The following CDK6 variants were observed in gnomAD, a reference collection of about 807,000 sequenced individuals.
CDK6 encodes the protein cyclin dependent kinase 6.
CDK6 carries 6 observed loss-of-function variants against 37.1 expected under a neutral mutation model. The ratio of observed to expected loss-of-function variants is 0.16; its 90% CI spans 0.09 to 0.32. CDK6 has a LOEUF of 0.32. Among genes scored for constraint, CDK6 ranks in the 10% least tolerant of loss-of-function variants. The pLI, the probability that CDK6 is intolerant of heterozygous loss-of-function variation, is 1.00. For missense variants in CDK6, 224 were observed against 418.9 expected, an observed-to-expected ratio of 0.53 and a Z score of 4.06; for synonymous variants, 160 against 161.3, an observed-to-expected ratio of 0.99 and a Z score of 0.06.
At chr7:92,700,339 GGCAGGGATCTCA>G (rs1436108710) in intron 4 of CDK6, among the ~76,000 whole-genome samples, 1 of 152,212 alleles carries the variant, frequency 6.6e-6, no homozygotes, top group Non-Finnish European at 1.5e-5. Context: ...TGATCCTGAA[GGCAGGGATCTCA>G]ATGAAAAGGC....
intron 3 of CDK6, among the ~76,000 whole-genome samples, chr7:92,727,668 G>C (rs1383671716): frequency 1.3e-5 from 2 of 152,094 alleles, no homozygotes; most frequent in East Asian, 1.9e-4. Context: ...GCACTTAGAG[G>C]GGGTATGCAG....
intron 5 of CDK6, among the ~76,000 whole-genome samples, chr7:92,640,869 A>G (rs1314219498): frequency 1.3e-5 from 2 of 152,226 alleles, no homozygotes; most frequent in Non-Finnish European, 2.9e-5. Context: ...AACTTTACTT[A>G]CACCAATGTG....
Position 92,614,723 on chromosome 7 carries a change from A to T in CDK6, c.*417T>A. The stretch of plus-strand genomic sequence containing the variant: ...CACACACACACACACACACACACAC[A>T]CACACATGCACACACACACTCAAAA... On this transcript the variant is annotated 3_prime_UTR_variant, in exon 8 of 8. Coordinates refer to ENST00000424848, the MANE Select transcript of CDK6 (RefSeq NM_001145306.2). 3.7e-6 allele frequency: 1 copy of T among 268,450 alleles called. No homozygotes were observed. Among genetic ancestry groups the T allele is most frequent in the Middle Eastern group, 1.1e-3 (1 of 910 alleles). The allele number at this position is 268,450 out of a possible 1,614,324, so 16.6% of individuals were successfully genotyped here. A position where few individuals can be genotyped will look rare whatever the true frequency, so the allele number is the denominator to read the frequency against.
intron 5 of CDK6, among the ~76,000 whole-genome samples, chr7:92,636,464 T>C (rs1705419852): frequency 6.6e-6 from 1 of 152,136 alleles, no homozygotes; most frequent in African/African-American, 2.4e-5. Flanking sequence ...TATGATTATA[T>C]ATAAGATCCA....
chr7:92,805,030 C>T (rs574923213), intron 2 of CDK6, among the ~76,000 whole-genome samples: 1 of 152,316 alleles, frequency 6.6e-6, no homozygotes, highest in South Asian at 2.1e-4. Flanking sequence ...AACCTATTAA[C>T]TCTGAAAGCC....
chr7:92,808,344 G>A (rs1800781244), intron 2 of CDK6, among the ~76,000 whole-genome samples: 1 of 152,210 alleles, frequency 6.6e-6, no homozygotes, highest in Admixed American at 6.5e-5. Flanking sequence ...CAAGAAAAGA[G>A]GGAGGTTTCT....
At chr7:92,772,561 G>C (rs547153229) in intron 3 of CDK6, among the ~76,000 whole-genome samples, 1 of 151,628 alleles carries the variant, frequency 6.6e-6, no homozygotes, top group South Asian at 2.1e-4. Context: ...AACTTTTAAT[G>C]TCACCTTGTT....
rs1795636675 is a variant in CDK6, at chr7:92,614,731, G to GCACACACACACACACATT, written c.*408_*409insAATGTGTGTGTGTGTGTG. 3.8e-6 allele frequency: 1 copy of GCACACACACACACACATT among 265,774 alleles called. No homozygotes were observed. Among genetic ancestry groups the GCACACACACACACACATT allele is most frequent in the Admixed American group, 5.1e-5 (1 of 19,694 alleles). 16.5% of individuals were successfully genotyped at this position (265,774 alleles called of 1,614,324 possible). A position where few individuals can be genotyped will look rare whatever the true frequency, so the allele number is the denominator to read the frequency against. On this transcript the variant is annotated 3_prime_UTR_variant, in exon 8 of 8. Transcript: ENST00000424848. ...CACACACACACACACACACACACAT[G>GCACACACACACACACATT]CACACACACACTCAAAAGTACCAAA...
intron 5 of CDK6, among the ~76,000 whole-genome samples, chr7:92,657,685 A>G (rs554726300): frequency 6.6e-6 from 1 of 152,172 alleles, no homozygotes; most frequent in Non-Finnish European, 1.5e-5. Context: ...AAACTTAACA[A>G]AAGTTTTATA....
Position 92,834,229 on chromosome 7 carries a change from C to T in CDK6, c.-367-539G>A, listed in dbSNP as rs542993752. 6.6e-5 allele frequency among the ~76,000 whole-genome samples: 10 copies of T among 152,140 alleles called. No homozygotes were observed. The highest frequency in any genetic ancestry group is 1.5e-4 in the Non-Finnish European group (10 of 68,012). On this transcript the variant is annotated intron_variant, in intron 1 of 7. Transcript: ENST00000424848. The surrounding 1 kb of genome is among the most constrained non-coding windows in gnomAD (Gnocchi z 4.6). The stretch of plus-strand genomic sequence containing the variant: ...AATGTGGGTGGGGGCTCCCAGGACC[C>T]TGTAACCCGATGCTGGGAGTGTGCG...
In CDK6 at chr7:92,659,637, A is replaced by C. The variant is rs201960076; in HGVS notation, c.647+11789T>G. Among the ~76,000 whole-genome samples, 690 of 135,314 alleles carry C rather than the reference A, an allele frequency of 5.1e-3. 6 individuals carry two copies. In the East Asian group the frequency reaches 0.084, roughly 16 times the overall value. The allele number at this position is 135,314 out of a possible 152,430, so 88.8% of individuals were successfully genotyped here. A position where few individuals can be genotyped will look rare whatever the true frequency, so the allele number is the denominator to read the frequency against. Reference sequence around the variant, plus strand: ...ACACACACACACACACACACACACCACACACACACACACTTTTGAATTCAT... The same window carrying C: ...ACACACACACACACACACACACACCCCACACACACACACTTTTGAATTCAT... On this transcript the variant is annotated intron_variant, in intron 5 of 7. Transcript: ENST00000424848.
At chr7:92,742,168 T>C (rs1798939634) in intron 3 of CDK6, among the ~76,000 whole-genome samples, 1 of 152,216 alleles carries the variant, frequency 6.6e-6, no homozygotes, top group South Asian at 2.1e-4. Context: ...TCAGAACAAC[T>C]TGAACTTTGC....
intron 2 of CDK6, among the ~76,000 whole-genome samples, chr7:92,808,017 C>T (rs1434090885): frequency 6.6e-6 from 1 of 152,158 alleles, no homozygotes; most frequent in Non-Finnish European, 1.5e-5. Context: ...TTTCTAATAA[C>T]TAAGCTTTCT....
chr7:92,651,106 T>G (rs2116558863), intron 5 of CDK6, among the ~76,000 whole-genome samples: 1 of 152,298 alleles, frequency 6.6e-6, no homozygotes, highest in South Asian at 2.1e-4. Flanking sequence ...GCCAGGCTGG[T>G]CTCGATCTCC....
At chr7:92,682,805 T>C (rs1797367009) in intron 4 of CDK6, among the ~76,000 whole-genome samples, 1 of 152,210 alleles carries the variant, frequency 6.6e-6, no homozygotes, top group Non-Finnish European at 1.5e-5. Context: ...TCCACCAACA[T>C]GATCTTTAGT....
intron 3 of CDK6, among the ~76,000 whole-genome samples, chr7:92,737,160 G>C (rs1488053837): frequency 6.6e-6 from 1 of 152,148 alleles, no homozygotes; most frequent in Non-Finnish European, 1.5e-5. Flanking sequence ...TGGGTAATGG[G>C]TTCAGCACTG....
At chr7:92,628,675 G>A (rs1163754504) in intron 5 of CDK6, among the ~76,000 whole-genome samples, 2 of 151,994 alleles carry the variant, frequency 1.3e-5, no homozygotes, top group African/African-American at 4.8e-5. Context: ...ACATATATAC[G>A]ATTAGATGTA....
At chr7:92,824,397 T>C (rs1159431945) in intron 2 of CDK6, among the ~76,000 whole-genome samples, 1 of 152,040 alleles carries the variant, frequency 6.6e-6, no homozygotes, top group Non-Finnish European at 1.5e-5. Context: ...AGAATCCAAC[T>C]CCTCTTTGGG....
At chr7:92,820,294 C>T (rs1161429341) in intron 2 of CDK6, among the ~76,000 whole-genome samples, 1 of 152,090 alleles carries the variant, frequency 6.6e-6, no homozygotes, top group Non-Finnish European at 1.5e-5. Context: ...ACTCCATCAG[C>T]TTCATAGGGT....
Sources: gnomAD v4.1 joint callset for allele counts (sites outside exome capture counted in the v4.1 genomes callset) on GRCh38, gnomAD v4.1.1 for gene constraint, Gnocchi (gnomAD v3.1) non-coding constraint, MANE v1.5 for transcripts, NCBI Gene and HGNC (gene_info 2026-07-23, HGNC 2026-07-21) for gene names.